WASHC5: variants seen among roughly 807,000 people sequenced by gnomAD.
WASHC5 encodes WASH complex subunit 5.
WASHC5 carries 101 observed loss-of-function variants against 150.4 expected under a neutral mutation model. The ratio of observed to expected loss-of-function variants is 0.67; its 90% CI spans 0.57 to 0.79. WASHC5 has a LOEUF of 0.79. Among genes scored for constraint, WASHC5 ranks in the 30% least tolerant of loss-of-function variants. The pLI, the probability that WASHC5 is intolerant of heterozygous loss-of-function variation, is 0.00. For missense variants in WASHC5, 1,195 were observed against 1,396.3 expected (o/e 0.86, Z 2.30); for synonymous variants, 467 against 491.2 (o/e 0.95, Z 0.65).
At chr8:125,039,458 T>C (rs1815818973) in intron 24 of WASHC5, among the ~76,000 whole-genome samples, 1 of 152,160 alleles carries the variant, frequency 6.6e-6, no homozygotes, top group South Asian at 2.1e-4. Flanking sequence ...CTTTCTAAAA[T>C]CTGTGCAAGT....
At chr8:125,065,389 C>T (rs1273559543) in intron 10 of WASHC5, among the ~76,000 whole-genome samples, 1 of 151,956 alleles carries the variant, frequency 6.6e-6, no homozygotes, top group Non-Finnish European at 1.5e-5. Context: ...CTCCTTTATG[C>T]TGTCTTGTTT....
At chr8:125,061,557 G>A (rs752912016) in intron 11 of WASHC5, among the ~76,000 whole-genome samples, 13 of 152,164 alleles carry the variant, frequency 8.5e-5, no homozygotes, top group Non-Finnish European at 1.6e-4. Flanking sequence ...TCATCGGAGA[G>A]ATGAAGAAGG....
At position 125,083,994 on chromosome 8, in the gene WASHC5, C is replaced by T; in HGVS notation, c.-96G>A. The T allele has an allele frequency of 8.4e-7, 1 of 1,191,464 alleles. No homozygotes were observed. The highest frequency in any genetic ancestry group is 2.5e-5 in the East Asian group (1 of 39,798). 73.8% of individuals were successfully genotyped at this position (1,191,464 alleles called of 1,614,324 possible). On this transcript the variant is annotated 5_prime_UTR_variant, in exon 2 of 29. Transcript: ENST00000318410. ...ATATTATTAGATGAAACCAGGTGTG[C>T]AGAGAGATTGGCTCCTCCATTAAAG... is the stretch of plus-strand genomic sequence containing the variant.
chr8:125,072,600 C>T (rs1816932155), intron 9 of WASHC5, among the ~76,000 whole-genome samples: 1 of 152,062 alleles, frequency 6.6e-6, no homozygotes, highest in Admixed American at 6.6e-5. Context: ...TTCTGAACTC[C>T]TGGGCTCAAG....
intron 27 of WASHC5, among the ~76,000 whole-genome samples, chr8:125,031,681 C>G (rs1262789658): frequency 6.6e-6 from 1 of 152,174 alleles, no homozygotes; most frequent in Non-Finnish European, 1.5e-5. Context: ...CAGGACCCAG[C>G]ATCTCATGGA....
At chr8:125,089,216 T>C (rs1183630014) in intron 1 of WASHC5, among the ~76,000 whole-genome samples, 1 of 152,136 alleles carries the variant, frequency 6.6e-6, no homozygotes, top group Non-Finnish European at 1.5e-5. Flanking sequence ...TAATGGACAG[T>C]GGGCAAAACA....
rs1358854783 is a variant in WASHC5 at position 125,038,918 on chromosome 8, G to A, written c.2996C>T (p.Ser999Leu). 3.7e-6 allele frequency: 6 copies of A among 1,614,022 alleles called. No individual in the cohort carries two copies. In the South Asian group the frequency reaches 4.4e-5, roughly 12 times the overall value. ...GTTATCTTCTTTGGGGTAAGGAAGTGAAGGGTCCTGATAGTGGGCTTCAAT... is the reference window on the plus strand; with the variant it reads ...GTTATCTTCTTTGGGGTAAGGAAGTAAAGGGTCCTGATAGTGGGCTTCAAT... ...ADIEAHYQDP[S>L]LPYPKEDNTL... The change falls in exon 25 of 29, where the codon TCA becomes TTA. Residue 999 changes from serine to leucine, a missense_variant. Ser to Leu is a moderately radical substitution (Grantham distance 145, BLOSUM62 -2). Around this residue, in one of 3 missense-constraint regions of WASHC5, gnomAD observed 997 missense variants for 1,168.1 expected, o/e 0.85. Coordinates refer to ENST00000318410, the MANE Select transcript of WASHC5 (RefSeq NM_014846.4).
chr8:125,044,159 TA>T (rs1815983943), intron 21 of WASHC5, 65 bp from the exon 22 acceptor site: 5 of 1,066,152 alleles, frequency 4.7e-6, no homozygotes, highest in Non-Finnish European at 7.2e-6. Context: ...ATTCTCCAGT[TA>T]CCTAAAATGC....
intron 18 of WASHC5, 93 bp downstream of exon 18, chr8:125,050,470 TA>T: frequency 1.3e-6 from 1 of 785,512 alleles, no homozygotes; most frequent in Non-Finnish European, 2.3e-6. Context: ...AGCTAGGAGG[TA>T]AGGTCTTGTT....
At chr8:125,037,664 GT>G (rs1333293952) in intron 25 of WASHC5, among the ~76,000 whole-genome samples, 2 of 152,166 alleles carry the variant, frequency 1.3e-5, no homozygotes, top group African/African-American at 2.4e-5. Flanking sequence ...ATGAAGAGCA[GT>G]TGAGGAAGAG....
intron 23 of WASHC5, among the ~76,000 whole-genome samples, chr8:125,041,836 T>A (rs1394141008): frequency 2.6e-5 from 4 of 152,192 alleles, no homozygotes; most frequent in Admixed American, 6.5e-5. Context: ...GTGTTTGAAT[T>A]TATAGAGTAG....
Position 125,055,686 on chromosome 8 carries a change from AAG to A in WASHC5, c.2017-17_2017-16del, listed in dbSNP as rs1189155303. 3 of 1,492,568 alleles carry A rather than the reference AAG, an allele frequency of 2.0e-6. No homozygotes were observed. The highest frequency in any genetic ancestry group is 2.8e-6 in the Non-Finnish European group (3 of 1,069,668). The allele number at this position is 1,492,568 out of a possible 1,614,324, so 92.5% of individuals were successfully genotyped here. A position where few individuals can be genotyped will look rare whatever the true frequency, so the allele number is the denominator to read the frequency against. ...AGCTTGGCAACCTATAACAAAGAAAAAGAGGTATGAAAAATCACTGTCTAATA... is the reference window on the plus strand; with the variant it reads ...AGCTTGGCAACCTATAACAAAGAAAAAGGTATGAAAAATCACTGTCTAATA... On this transcript the variant is annotated splice_polypyrimidine_tract_variant and intron_variant, in intron 16 of 28. Transcript: ENST00000318410.
chr8:125,025,833 G>GACACACACACACAC lies in WASHC5; in HGVS notation c.3424-1174_3424-1161dup, dbSNP rs34050035. 6.1e-3 allele frequency among the ~76,000 whole-genome samples: 901 copies of GACACACACACACAC among 148,118 alleles called. 10 individuals are homozygous for GACACACACACACAC. The highest frequency in any genetic ancestry group is 0.02 in the African/African-American group (790 of 39,938). ...TCCAGTTTACTTACATATGCAGACAGACACACACACACACACACACACACA... is the reference window on the plus strand; with the variant it reads ...TCCAGTTTACTTACATATGCAGACAGACACACACACACACACACACACACACACACACACACACA... On this transcript the variant is annotated intron_variant, in intron 28 of 28. Transcript: ENST00000318410.
intron 27 of WASHC5, among the ~76,000 whole-genome samples, chr8:125,031,100 G>C (rs1815521377): frequency 6.6e-6 from 1 of 152,188 alleles, no homozygotes; most frequent in African/African-American, 2.4e-5. Flanking sequence ...GCTGCCTGGA[G>C]AGGTAGCACA....
At chr8:125,049,612 T>A (rs2130050612) in intron 18 of WASHC5, among the ~76,000 whole-genome samples, 1 of 150,820 alleles carries the variant, frequency 6.6e-6, no homozygotes, top group South Asian at 2.1e-4. Context: ...TCTGGGAGGC[T>A]GAGATGGGTG....
chr8:125,068,677 C>T (rs548026979), intron 9 of WASHC5, among the ~76,000 whole-genome samples: 1 of 152,254 alleles, frequency 6.6e-6, no homozygotes, highest in African/African-American at 2.4e-5. Context: ...AGATGAGGGA[C>T]CCCCAAACAA....
At chr8:125,039,978 C>T in intron 23 of WASHC5, 80 bp from the exon 24 acceptor site, 2 of 859,916 alleles carry the variant, frequency 2.3e-6, no homozygotes, top group East Asian at 2.6e-5. Context: ...ACAAAGATGA[C>T]AATTCTTCAC....
At chr8:125,079,913 G>A (rs906825076) in intron 5 of WASHC5, among the ~76,000 whole-genome samples, 6 of 151,666 alleles carry the variant, frequency 4.0e-5, no homozygotes, top group Non-Finnish European at 7.4e-5. Flanking sequence ...GAAAATTGTG[G>A]GTAAAGAATG....
intron 26 of WASHC5, among the ~76,000 whole-genome samples, 192 bp downstream of exon 26, chr8:125,037,045 A>C (rs1815730387): frequency 6.6e-6 from 1 of 152,114 alleles, no homozygotes; most frequent in African/African-American, 2.4e-5. Flanking sequence ...TAAAAATAAG[A>C]ATAAACCCAC....
Sources: gnomAD v4.1 joint callset for allele counts (sites outside exome capture counted in the v4.1 genomes callset) on GRCh38, gnomAD v4.1.1 for gene constraint, gnomAD v4.1.1 regional missense constraint, MANE v1.5 for transcripts, NCBI Gene and HGNC (gene_info 2026-07-23, HGNC 2026-07-21) for gene names.